ANKS1B: variants seen among roughly 807,000 people sequenced by gnomAD.
ANKS1B encodes the protein ankyrin repeat and sterile alpha motif domain-containing protein 1B.
ANKS1B carries 36 observed loss-of-function variants against 148.3 expected under a neutral mutation model. That is an observed-to-expected ratio of 0.24 (90% CI 0.19 to 0.32). The LOEUF is 0.32. Ranked by LOEUF, ANKS1B falls within the 10% of genes least tolerant of loss-of-function variation. ANKS1B has a pLI of 1.00. For missense variants in ANKS1B, 1,157 were observed against 1,542.6 expected, an observed-to-expected ratio of 0.75 and a Z score of 4.19; for synonymous variants, 542 against 560.8, an observed-to-expected ratio of 0.97 and a Z score of 0.47.
intron 1 of ANKS1B, among the ~76,000 whole-genome samples, chr12:99,902,839 C>G (rs189040398): frequency 1.3e-5 from 2 of 151,876 alleles, no homozygotes; most frequent in African/African-American, 4.8e-5. Flanking sequence ...CAACCTCCAC[C>G]TCCTGGGTTA....
At chr12:99,501,530 C>T (rs1239522954) in intron 10 of ANKS1B, among the ~76,000 whole-genome samples, 2 of 152,104 alleles carry the variant, frequency 1.3e-5, no homozygotes, top group African/African-American at 2.4e-5. Flanking sequence ...AATTTCCCAC[C>T]CCCTGACCTG....
At chr12:99,025,074 C>G (rs1464620562) in intron 17 of ANKS1B, among the ~76,000 whole-genome samples, 2 of 152,178 alleles carry the variant, frequency 1.3e-5, no homozygotes, top group Non-Finnish European at 2.9e-5. Context: ...TGGTACCCCC[C>G]TCTCTAGAAC....
intron 9 of ANKS1B, among the ~76,000 whole-genome samples, chr12:99,540,507 A>C (rs2097114758): frequency 6.6e-6 from 1 of 152,306 alleles, no homozygotes; most frequent in African/African-American, 2.4e-5. Context: ...GAAAACAATA[A>C]AAATGAAAAT....
intron 18 of ANKS1B, chr12:98,831,231 G>A (rs1237363094): frequency 6.6e-6 from 1 of 152,126 alleles, no homozygotes; most frequent in African/African-American, 2.4e-5. Flanking sequence ...ACAGGCATGA[G>A]CCACTGCGCC....
intron 9 of ANKS1B, among the ~76,000 whole-genome samples, chr12:99,608,570 C>G (rs949483334): frequency 6.6e-6 from 1 of 152,038 alleles, no homozygotes; most frequent in African/African-American, 2.4e-5. Context: ...ATCCAAAAGT[C>G]AAATGCCTTC....
At chr12:99,716,333 C>T (rs926889768) in intron 8 of ANKS1B, among the ~76,000 whole-genome samples, 11 of 151,830 alleles carry the variant, frequency 7.2e-5, no homozygotes, top group African/African-American at 2.7e-4. Flanking sequence ...TTTGGCGCCC[C>T]GACACCTTTC....
At chr12:99,726,237 G>A (rs2058605511) in intron 8 of ANKS1B, among the ~76,000 whole-genome samples, 1 of 152,008 alleles carries the variant, frequency 6.6e-6, no homozygotes, top group Non-Finnish European at 1.5e-5. Context: ...TAGGTAGACT[G>A]CTAGCTAGAC....
At chr12:99,212,676 T>A (rs896209488) in intron 14 of ANKS1B, among the ~76,000 whole-genome samples, 1 of 152,240 alleles carries the variant, frequency 6.6e-6, no homozygotes, top group African/African-American at 2.4e-5. Flanking sequence ...ACATTTATAC[T>A]AACTTATCAT....
intron 9 of ANKS1B, among the ~76,000 whole-genome samples, chr12:99,592,980 A>G (rs1005008564): frequency 3.3e-5 from 5 of 152,160 alleles, no homozygotes; most frequent in Admixed American, 1.3e-4. Flanking sequence ...AATAGAAATG[A>G]ATGTCTAGGT....
At chr12:99,886,881 T>C (rs1285243900) in intron 1 of ANKS1B, among the ~76,000 whole-genome samples, 3 of 152,200 alleles carry the variant, frequency 2.0e-5, no homozygotes, top group Non-Finnish European at 4.4e-5. Flanking sequence ...ATGTTACAGA[T>C]GTGACATTTA....
At chr12:98,739,471 C>T (rs1216601109), downstream of ANKS1B, among the ~76,000 whole-genome samples, 3 of 152,240 alleles carry the variant, frequency 2.0e-5, no homozygotes, top group Admixed American at 6.5e-5. Flanking sequence ...GCCCAACCTG[C>T]TCTCAATTCT....
chr12:99,729,887 T>G (rs2153566059), intron 8 of ANKS1B, among the ~76,000 whole-genome samples: 1 of 152,370 alleles, frequency 6.6e-6, no homozygotes, highest in Admixed American at 6.5e-5. Flanking sequence ...TTTCCCTTTT[T>G]GCATATAAGT....
At chr12:99,730,156 G>T (rs531295308) in intron 8 of ANKS1B, among the ~76,000 whole-genome samples, 2 of 152,198 alleles carry the variant, frequency 1.3e-5, no homozygotes, top group Non-Finnish European at 2.9e-5. Flanking sequence ...TGCTTAAATT[G>T]TTCTATAGAC....
At position 99,783,448 on chromosome 12, in the gene ANKS1B, A is replaced by G. The variant is rs773536063; in HGVS notation, c.670-1351T>C. Among the ~76,000 whole-genome samples the G allele has an allele frequency of 1.4e-4, 22 of 152,320 alleles. No individual in the cohort carries two copies. The South Asian group carries it at 1.4e-3, about 10-fold the overall frequency. ...CATATCAAAAATGCGACAGTTTCAC[A>G]CCATTTTAAAGTCGAGAAATTGTTA... is the stretch of plus-strand genomic sequence containing the variant. On this transcript the variant is annotated intron_variant, in intron 4 of 26. Coordinates refer to ENST00000683438, the MANE Select transcript of ANKS1B (RefSeq NM_001352186.2).
chr12:99,414,691 G>T (rs1443331281), intron 11 of ANKS1B, among the ~76,000 whole-genome samples: 1 of 152,164 alleles, frequency 6.6e-6, no homozygotes, highest in Non-Finnish European at 1.5e-5. Flanking sequence ...AGGGGGTGAG[G>T]GGTTAGGGGA....
chr12:99,322,360 G>C (rs552986919), intron 12 of ANKS1B, among the ~76,000 whole-genome samples: 8 of 151,838 alleles, frequency 5.3e-5, no homozygotes, highest in African/African-American at 1.9e-4. Flanking sequence ...GTTGTGGGGT[G>C]GGGAATGAGG....
At chr12:98,927,679 A>G (rs1238845859) in intron 17 of ANKS1B, among the ~76,000 whole-genome samples, 1 of 151,962 alleles carries the variant, frequency 6.6e-6, no homozygotes, top group Admixed American at 6.6e-5. Flanking sequence ...AGTTTTACAT[A>G]TAATTGACGG....
intron 11 of ANKS1B, among the ~76,000 whole-genome samples, chr12:99,440,192 G>C (rs188929542): frequency 6.6e-6 from 1 of 151,720 alleles, no homozygotes; most frequent in South Asian, 2.1e-4. Flanking sequence ...TGGGGTGATG[G>C]CAATGTTCTA....
chr12:98,895,537 A>C (rs1178975632), intron 17 of ANKS1B, among the ~76,000 whole-genome samples: 1 of 152,190 alleles, frequency 6.6e-6, no homozygotes. Context: ...CTCACTAACC[A>C]AGCGACTTCG....
Sources: gnomAD v4.1 joint callset for allele counts (sites outside exome capture counted in the v4.1 genomes callset) on GRCh38, gnomAD v4.1.1 for gene constraint, MANE v1.5 for transcripts, NCBI Gene and HGNC (gene_info 2026-07-23, HGNC 2026-07-21) for gene names.